TUBA1A: variants seen among roughly 807,000 people sequenced by gnomAD.
TUBA1A encodes tubulin alpha 1a.
Under a neutral mutation model 34.6 loss-of-function variants are expected in TUBA1A, and 7 were observed. The observed-to-expected ratio is 0.20, with a 90% CI of 0.11 to 0.38. The LOEUF (loss-of-function observed/expected upper bound fraction) is 0.38. Ranked by LOEUF, TUBA1A falls within the 10% of genes least tolerant of loss-of-function variation. The probability of loss-of-function intolerance (pLI) is 1.00; values close to 1 mark genes in which losing one functional copy is unlikely to be tolerated. For missense variants in TUBA1A, 19 were observed against 581.3 expected, an observed-to-expected ratio of 0.03 and a Z score of 9.95; for synonymous variants, 193 against 210.2, an observed-to-expected ratio of 0.92 and a Z score of 0.71.
chr12:49,188,114 T>C lies in TUBA1A; in HGVS notation c.3+863A>G, dbSNP rs1406281610. 1.2e-6 allele frequency: 1 copy of C among 859,640 alleles called. No individual in the cohort carries two copies. Among genetic ancestry groups the C allele is most frequent in the African/African-American group, 2.9e-5 (1 of 35,004 alleles). 53.3% of individuals were successfully genotyped at this position (859,640 alleles called of 1,614,324 possible). A position where few individuals can be genotyped will look rare whatever the true frequency, so the allele number is the denominator to read the frequency against. On this transcript the variant is annotated intron_variant, in intron 1 of 3. Coordinates refer to ENST00000301071, the MANE Select transcript of TUBA1A (RefSeq NM_006009.4). This position sits in a 1 kb window ranked among gnomAD's most constrained non-coding sequence, Gnocchi z 4.9. ...CACACACACACACACACACACACAC[T>C]TCAGTCGGTCAGGGCAGGGCGTCCC...
rs925353320 is a variant in TUBA1A, at chr12:49,187,887, A to G, written c.4-1054T>C. 2.1e-5 allele frequency: 16 copies of G among 776,028 alleles called. No homozygotes were observed. The African/African-American group carries it at 3.2e-4, about 16-fold the overall frequency. 48.1% of individuals were successfully genotyped at this position (776,028 alleles called of 1,614,324 possible). ...TTTAGGGCTACCACTTTCATTGTCT[A>G]TTCGCTGATGTGGTGGGGGCGGGGC... is the stretch of plus-strand genomic sequence containing the variant. On this transcript the variant is annotated intron_variant, in intron 1 of 3. Transcript: ENST00000301071.
At position 49,189,080 on chromosome 12, in the gene TUBA1A, C is replaced by T. The variant is rs1942221888; in HGVS notation, c.-101G>A. The T allele has an allele frequency of 6.7e-7, 1 of 1,498,846 alleles. No individual in the cohort carries two copies. The highest frequency in any genetic ancestry group is 9.3e-7 in the Non-Finnish European group (1 of 1,075,754). 92.8% of individuals were successfully genotyped at this position (1,498,846 alleles called of 1,614,324 possible). On this transcript the variant is annotated 5_prime_UTR_variant, in exon 1 of 4. Coordinates refer to ENST00000301071, the MANE Select transcript of TUBA1A (RefSeq NM_006009.4). ...TAGGCGGTCGATGTAAGAGAACCTG[C>T]GGCACATAGGCGGATGCGGCTCCCT... is the stretch of plus-strand genomic sequence containing the variant.
Position 49,185,874 on chromosome 12 carries a change from C to T in TUBA1A, c.492G>A (p.Lys164=), listed in dbSNP as rs566021671. ...MERLSVDYGK[K]SKLEFSIYPA... ...GGTAAATAGAGAACTCCAGCTTGGA[C>T]TTCTTGCCATAATCAACTGAGAGAC... The change falls in exon 4 of 4, where the codon AAG becomes AAA. Residue 164 remains lysine, a synonymous_variant. Transcript: ENST00000301071. The T allele has an allele frequency of 1.5e-5, 25 of 1,614,060 alleles. No individual in the cohort carries two copies. In the East Asian group the frequency reaches 2.5e-4, roughly 16 times the overall value.
chr12:49,186,155 A>G lies in TUBA1A; in HGVS notation c.375+155T>C, dbSNP rs1725767447. 4.5e-6 allele frequency: 7 copies of G among 1,539,600 alleles called. No homozygotes were observed. The highest frequency in any genetic ancestry group is 6.2e-6 in the Non-Finnish European group (7 of 1,137,746). On this transcript the variant is annotated intron_variant, in intron 3 of 3. Transcript: ENST00000301071. This position sits in a 1 kb window ranked among gnomAD's most constrained non-coding sequence, Gnocchi z 6.6. The stretch of plus-strand genomic sequence containing the variant: ...TAACATTTACAAAATGACATCAAAT[A>G]GTTCATTTTAACTGAATTTTAAAAA...
Position 49,186,917 on chromosome 12 carries a change from A to G in TUBA1A, c.4-84T>C. On this transcript the variant is annotated intron_variant, in intron 1 of 3. Coordinates refer to ENST00000301071, the MANE Select transcript of TUBA1A (RefSeq NM_006009.4). The surrounding 1 kb of genome is among the most constrained non-coding windows in gnomAD (Gnocchi z 6.6). ...ATAGGAAATTTCAAAAATATTTCTA[A>G]TAATATACAGATATTTTTCTAAATT... 1.9e-6 allele frequency: 3 copies of G among 1,556,922 alleles called. No individual in the cohort carries two copies. In the Admixed American group the frequency reaches 5.7e-5, roughly 29 times the overall value.
At position 49,184,860 on chromosome 12, in the gene TUBA1A, C is replaced by CA; in HGVS notation, c.*149dup. 1 of 1,327,778 alleles carries CA rather than the reference C, an allele frequency of 7.5e-7. No individual in the cohort carries two copies. Among genetic ancestry groups the CA allele is most frequent in the Non-Finnish European group, 1.1e-6 (1 of 932,046 alleles). The allele number at this position is 1,327,778 out of a possible 1,614,324, so 82.2% of individuals were successfully genotyped here. ...AGAAATGGACAGCTTGGGTCTGTAA[C>CA]AAAGCATTCATGTTTTAGAGCATAG... is the stretch of plus-strand genomic sequence containing the variant. On this transcript the variant is annotated 3_prime_UTR_variant, in exon 4 of 4. Transcript: ENST00000301071.
At position 49,188,753 on chromosome 12, in the gene TUBA1A, C is replaced by T. The variant is rs892744213; in HGVS notation, c.3+224G>A. ...CGCCTAGGCGCCGCCTTTGTTCCTC[C>T]CCAGCGCTCTGCTGCGCCCTGGGCG... On this transcript the variant is annotated intron_variant, in intron 1 of 3. Transcript: ENST00000301071. This position sits in a 1 kb window ranked among gnomAD's most constrained non-coding sequence, Gnocchi z 4.9. The T allele has an allele frequency of 6.7e-7, 1 of 1,492,924 alleles. No individual in the cohort carries two copies. The highest frequency in any genetic ancestry group is 2.4e-5 in the East Asian group (1 of 41,780). The allele number at this position is 1,492,924 out of a possible 1,614,324, so 92.5% of individuals were successfully genotyped here. A position where few individuals can be genotyped will look rare whatever the true frequency, so the allele number is the denominator to read the frequency against.
In TUBA1A at chr12:49,184,837, A is replaced by G; in HGVS notation, c.*173T>C. 9.3e-7 allele frequency: 1 copy of G among 1,071,438 alleles called. No homozygotes were observed. The highest frequency in any genetic ancestry group is 1.4e-5 in the South Asian group (1 of 70,626). The allele number at this position is 1,071,438 out of a possible 1,614,324, so 66.4% of individuals were successfully genotyped here. On this transcript the variant is annotated 3_prime_UTR_variant, in exon 4 of 4. Coordinates refer to ENST00000301071, the MANE Select transcript of TUBA1A (RefSeq NM_006009.4). ...ATACTTTATTCAAAACCCATCACAG[A>G]AATGGACAGCTTGGGTCTGTAACAA...
Position 49,184,887 on chromosome 12 carries a change from T to A in TUBA1A, c.*123A>T. On this transcript the variant is annotated 3_prime_UTR_variant, in exon 4 of 4. Coordinates refer to ENST00000301071, the MANE Select transcript of TUBA1A (RefSeq NM_006009.4). The stretch of plus-strand genomic sequence containing the variant: ...AAGCATTCATGTTTTAGAGCATAGG[T>A]CAGTAATTGTATATGAGAGCATACA... The A allele has an allele frequency of 4.0e-6, 6 of 1,496,558 alleles. No homozygotes were observed. Among genetic ancestry groups the A allele is most frequent in the Non-Finnish European group, 5.6e-6 (6 of 1,076,498 alleles). 92.7% of individuals were successfully genotyped at this position (1,496,558 alleles called of 1,614,324 possible).
At position 49,188,361 on chromosome 12, in the gene TUBA1A, A is replaced by G; in HGVS notation, c.3+616T>C. 11 of 1,533,864 alleles carry G rather than the reference A, an allele frequency of 7.2e-6. No homozygotes were observed. The highest frequency in any genetic ancestry group is 9.6e-6 in the Non-Finnish European group (11 of 1,145,610). On this transcript the variant is annotated intron_variant, in intron 1 of 3. Transcript: ENST00000301071. The surrounding 1 kb of genome is among the most constrained non-coding windows in gnomAD (Gnocchi z 4.9). ...ACGCCATAGAAGCCAGAAACAAACA[A>G]CCCCGCCCCTGCGCCGCCCTGACAC...
rs113875951 is a variant in TUBA1A, at chr12:49,186,506, G to A, written c.227-48C>T. The A allele has an allele frequency of 0.012, 18,279 of 1,587,080 alleles. 4 individuals are homozygous for A. Among genetic ancestry groups the A allele is most frequent in the African/African-American group, 0.042 (2,967 of 71,030 alleles). ...AGCAGGGGGGAGGAGGAGGAGGGAC[G>A]AGGAGCGGGGAGGGAGAGTGGGTGA... On this transcript the variant is annotated intron_variant, in intron 2 of 3. Coordinates refer to ENST00000301071, the MANE Select transcript of TUBA1A (RefSeq NM_006009.4). The surrounding 1 kb of genome is among the most constrained non-coding windows in gnomAD (Gnocchi z 6.6).
In TUBA1A at chr12:49,186,290, A is replaced by T. The variant is rs756805969; in HGVS notation, c.375+20T>A. 11 of 1,612,788 alleles carry T rather than the reference A, an allele frequency of 6.8e-6. 1 individual carries two copies. The highest frequency in any genetic ancestry group is 2.0e-4 in the Middle Eastern group (1 of 4,908). On this transcript the variant is annotated intron_variant, in intron 3 of 3. Transcript: ENST00000301071. This position sits in a 1 kb window ranked among gnomAD's most constrained non-coding sequence, Gnocchi z 6.6. ...TTCTTTAGGCTCATTAATTTACTTTATTCTTGAAAAGAAACATACCAGCTT... is the reference window on the plus strand; with the variant it reads ...TTCTTTAGGCTCATTAATTTACTTTTTTCTTGAAAAGAAACATACCAGCTT...
At position 49,188,366 on chromosome 12, in the gene TUBA1A, G is replaced by T. The variant is rs1229644301; in HGVS notation, c.3+611C>A. The T allele has an allele frequency of 1.1e-5, 17 of 1,534,040 alleles. No homozygotes were observed. Among genetic ancestry groups the T allele is most frequent in the South Asian group, 2.4e-5 (2 of 83,948 alleles). ...ATAGAAGCCAGAAACAAACAACCCCGCCCCTGCGCCGCCCTGACACCCGCT... is the reference window on the plus strand; with the variant it reads ...ATAGAAGCCAGAAACAAACAACCCCTCCCCTGCGCCGCCCTGACACCCGCT... On this transcript the variant is annotated intron_variant, in intron 1 of 3. Coordinates refer to ENST00000301071, the MANE Select transcript of TUBA1A (RefSeq NM_006009.4). The surrounding 1 kb of genome is among the most constrained non-coding windows in gnomAD (Gnocchi z 4.9).
At position 49,186,477 on chromosome 12, in the gene TUBA1A, G is replaced by C. The variant is rs558313801; in HGVS notation, c.227-19C>G. 4 of 1,613,506 alleles carry C rather than the reference G, an allele frequency of 2.5e-6. No homozygotes were observed. The highest frequency in any genetic ancestry group is 3.4e-6 in the Non-Finnish European group (4 of 1,179,746). On this transcript the variant is annotated intron_variant, in intron 2 of 3. Transcript: ENST00000301071. This position sits in a 1 kb window ranked among gnomAD's most constrained non-coding sequence, Gnocchi z 6.6. ...ACTTCATCTGGAGAACATGATGGGG[G>C]AGGAGCAGGGGGGAGGAGGAGGAGG...
Position 49,184,846 on chromosome 12 carries a change from G to T in TUBA1A, c.*164C>A. The stretch of plus-strand genomic sequence containing the variant: ...TCAAAACCCATCACAGAAATGGACA[G>T]CTTGGGTCTGTAACAAAGCATTCAT... On this transcript the variant is annotated 3_prime_UTR_variant, in exon 4 of 4. Transcript: ENST00000301071. 8.7e-7 allele frequency: 1 copy of T among 1,151,784 alleles called. No individual in the cohort carries two copies. The highest frequency in any genetic ancestry group is 1.3e-6 in the Non-Finnish European group (1 of 781,362). The allele number at this position is 1,151,784 out of a possible 1,614,324, so 71.3% of individuals were successfully genotyped here.
In TUBA1A at chr12:49,188,019, G is replaced by C. The variant is rs889719426; in HGVS notation, c.3+958C>G. On this transcript the variant is annotated intron_variant, in intron 1 of 3. Coordinates refer to ENST00000301071, the MANE Select transcript of TUBA1A (RefSeq NM_006009.4). This position sits in a 1 kb window ranked among gnomAD's most constrained non-coding sequence, Gnocchi z 4.9. ...GCTGAACGTGCAGTCCAGACAGACA[G>C]ACAGACACACACACACACACACACA... 7 of 966,418 alleles carry C rather than the reference G, an allele frequency of 7.2e-6. No individual in the cohort carries two copies. The African/African-American group carries it at 1.3e-4, about 18-fold the overall frequency. The allele number at this position is 966,418 out of a possible 1,614,324, so 59.9% of individuals were successfully genotyped here. A position where few individuals can be genotyped will look rare whatever the true frequency, so the allele number is the denominator to read the frequency against.
rs1193394751 is a variant in TUBA1A at position 49,186,567 on chromosome 12, C to T, written c.226+44G>A. 3.1e-6 allele frequency: 5 copies of T among 1,612,486 alleles called. No homozygotes were observed. Among genetic ancestry groups the T allele is most frequent in the Non-Finnish European group, 4.2e-6 (5 of 1,178,686 alleles). ...GAGCCCCCCAGGACAGACCTCCTGT[C>T]CCAGCACCCTGGGATCTCACTTGGG... On this transcript the variant is annotated intron_variant, in intron 2 of 3. Coordinates refer to ENST00000301071, the MANE Select transcript of TUBA1A (RefSeq NM_006009.4). The surrounding 1 kb of genome is among the most constrained non-coding windows in gnomAD (Gnocchi z 6.6).
At position 49,188,359 on chromosome 12, in the gene TUBA1A, C is replaced by T; in HGVS notation, c.3+618G>A. 1.3e-6 allele frequency: 2 copies of T among 1,533,978 alleles called. No homozygotes were observed. Among genetic ancestry groups the T allele is most frequent in the Non-Finnish European group, 1.7e-6 (2 of 1,145,536 alleles). ...CAACGCCATAGAAGCCAGAAACAAA[C>T]AACCCCGCCCCTGCGCCGCCCTGAC... On this transcript the variant is annotated intron_variant, in intron 1 of 3. Transcript: ENST00000301071. The surrounding 1 kb of genome is among the most constrained non-coding windows in gnomAD (Gnocchi z 4.9).
In TUBA1A at chr12:49,188,968, G is replaced by A. The variant is rs1592261624; in HGVS notation, c.3+9C>T. ...CCAACGGCCACAAAGAGCCGAAGCC[G>A]ATTCTCACCATGGTTGCTGCTTCGC... is the stretch of plus-strand genomic sequence containing the variant. On this transcript the variant is annotated intron_variant, in intron 1 of 3. Transcript: ENST00000301071. This position sits in a 1 kb window ranked among gnomAD's most constrained non-coding sequence, Gnocchi z 4.9. 5 of 1,614,134 alleles carry A rather than the reference G, an allele frequency of 3.1e-6. No individual in the cohort carries two copies. Among genetic ancestry groups the A allele is most frequent in the South Asian group, 1.1e-5 (1 of 91,086 alleles).
Sources: gnomAD v4.1 joint callset for allele counts on GRCh38, gnomAD v4.1.1 for gene constraint, Gnocchi (gnomAD v3.1) non-coding constraint, MANE v1.5 for transcripts, NCBI Gene and HGNC (gene_info 2026-07-23, HGNC 2026-07-21) for gene names.